CTNNA3: variants seen among roughly 807,000 people sequenced by gnomAD.
CTNNA3 encodes catenin alpha-3.
A neutral mutation model predicts 95.7 loss-of-function variants in CTNNA3; 76 were observed. That is an observed-to-expected ratio of 0.79 (90% CI 0.66 to 0.96). CTNNA3 has a LOEUF of 0.96. Among genes scored for constraint, CTNNA3 ranks in the 40% least tolerant of loss-of-function variants. CTNNA3 has a pLI of 0.00. For missense variants in CTNNA3, 1,191 were observed against 1,089.8 expected (o/e 1.09, Z -1.31); for synonymous variants, 431 against 374.4 (o/e 1.15, Z -1.74).
chr10:66,568,136 A>G (rs546850538), intron 10 of CTNNA3, among the ~76,000 whole-genome samples: 4 of 152,206 alleles, frequency 2.6e-5, no homozygotes, highest in Non-Finnish European at 4.4e-5. Context: ...GACAAAAGAG[A>G]GCATAAAGAA....
chr10:66,539,325 G>C (rs975169441), intron 10 of CTNNA3, among the ~76,000 whole-genome samples: 14 of 152,190 alleles, frequency 9.2e-5, no homozygotes, highest in African/African-American at 3.4e-4. Flanking sequence ...TTAGTGCCCA[G>C]TAAATCTACA....
At chr10:66,077,829 T>C (rs1209813364) in intron 14 of CTNNA3, among the ~76,000 whole-genome samples, 1 of 151,712 alleles carries the variant, frequency 6.6e-6, no homozygotes, top group Non-Finnish European at 1.5e-5. Flanking sequence ...ATCCAGAAGG[T>C]GAAGATCCAA....
intron 9 of CTNNA3, among the ~76,000 whole-genome samples, chr10:66,728,889 T>G (rs1311335208): frequency 6.6e-6 from 1 of 152,108 alleles, no homozygotes; most frequent in Non-Finnish European, 1.5e-5. Context: ...CATCCAGCCT[T>G]ATTTAAGTTT....
In CTNNA3 at chr10:65,914,034, T is replaced by C. The variant is rs1410996245; in HGVS notation, c.*6296A>G. ...ACCTCCAACACCAAATAACCAGAAC[T>C]AAAAATAACCATCCTTCTTGAAAAT... is the stretch of plus-strand genomic sequence containing the variant. On this transcript the variant is annotated 3_prime_UTR_variant, in exon 18 of 18. Transcript: ENST00000433211. 6.6e-6 allele frequency: 1 copy of C among 152,112 alleles called. No homozygotes were observed. The highest frequency in any genetic ancestry group is 1.5e-5 in the Non-Finnish European group (1 of 67,988). 9.4% of individuals were successfully genotyped at this position (152,112 alleles called of 1,614,324 possible).
chr10:66,925,469 A>C lies in CTNNA3; in HGVS notation c.1048-149945T>G, dbSNP rs72804621. ...TACAACAACCAAAACAACAAACGAA[A>C]CTATAGCCATAAAATCAATTATATC... On this transcript the variant is annotated intron_variant, in intron 7 of 17. Transcript: ENST00000433211. Among the ~76,000 whole-genome samples the C allele has an allele frequency of 3.5e-3, 531 of 152,272 alleles. 4 individuals are homozygous for C. Among genetic ancestry groups the C allele is most frequent in the Non-Finnish European group, 6.1e-3 (416 of 68,016 alleles).
chr10:67,326,390 T>G (rs1448103437), intron 5 of CTNNA3, among the ~76,000 whole-genome samples: 1 of 152,160 alleles, frequency 6.6e-6, no homozygotes, highest in Non-Finnish European at 1.5e-5. Context: ...TATTTAGTGC[T>G]ACCTTTAAGA....
chr10:67,116,735 T>C (rs1564902087), intron 7 of CTNNA3, among the ~76,000 whole-genome samples: 1 of 147,710 alleles, frequency 6.8e-6, no homozygotes, highest in African/African-American at 2.5e-5. Context: ...TATATATATA[T>C]ATATATATAA....
intron 15 of CTNNA3, among the ~76,000 whole-genome samples, chr10:66,005,936 G>A (rs1024218145): frequency 2.0e-5 from 3 of 151,042 alleles, no homozygotes; most frequent in African/African-American, 7.3e-5. Context: ...TATTGAAACT[G>A]TGAGATGTGG....
chr10:67,068,206 A>G (rs763434724), intron 7 of CTNNA3, among the ~76,000 whole-genome samples: 14 of 152,324 alleles, frequency 9.2e-5, no homozygotes, highest in Non-Finnish European at 1.5e-4. Context: ...TTAGAAAAGA[A>G]GGTGGATTGG....
intron 5 of CTNNA3, among the ~76,000 whole-genome samples, chr10:67,293,196 C>T (rs548624346): frequency 2.0e-5 from 3 of 152,042 alleles, no homozygotes; most frequent in Non-Finnish European, 4.4e-5. Flanking sequence ...GTAGATTAGA[C>T]TTTTCAACCT....
intron 5 of CTNNA3, among the ~76,000 whole-genome samples, chr10:67,404,535 C>T (rs956331472): frequency 9.9e-5 from 15 of 151,972 alleles, no homozygotes; most frequent in Admixed American, 9.2e-4. Context: ...ATAAACAAAA[C>T]CTCCAAGAAA....
intron 5 of CTNNA3, among the ~76,000 whole-genome samples, chr10:67,379,626 G>A (rs1246238372): frequency 6.6e-6 from 1 of 152,150 alleles, no homozygotes; most frequent in African/African-American, 2.4e-5. Context: ...ATCAATAGGT[G>A]ACAGGTCCAC....
At chr10:66,968,095 C>A (rs2132812296) in intron 7 of CTNNA3, among the ~76,000 whole-genome samples, 1 of 152,018 alleles carries the variant, frequency 6.6e-6, no homozygotes, top group African/African-American at 2.4e-5. Context: ...GACTGCTGAG[C>A]CTGAAAAACC....
At chr10:67,610,070 T>C (rs1843409171) in intron 2 of CTNNA3, among the ~76,000 whole-genome samples, 1 of 152,214 alleles carries the variant, frequency 6.6e-6, no homozygotes, top group Non-Finnish European at 1.5e-5. Context: ...CAGTTTAAAA[T>C]CTTTGTTTAA....
chr10:65,973,129 G>T (rs2078143078), intron 16 of CTNNA3, among the ~76,000 whole-genome samples: 1 of 152,144 alleles, frequency 6.6e-6, no homozygotes, highest in Non-Finnish European at 1.5e-5. Flanking sequence ...ATCTGGTGCT[G>T]TGACAGCTGG....
intron 7 of CTNNA3, among the ~76,000 whole-genome samples, chr10:67,172,224 T>G (rs1862053004): frequency 6.6e-6 from 1 of 152,232 alleles, no homozygotes; most frequent in Admixed American, 6.5e-5. Context: ...TACTACTTGG[T>G]GCTCTTATAG....
chr10:67,640,994 A>C (rs1282826447), intron 2 of CTNNA3, among the ~76,000 whole-genome samples: 1 of 152,196 alleles, frequency 6.6e-6, no homozygotes, highest in Non-Finnish European at 1.5e-5. Flanking sequence ...CAAAAGCCAA[A>C]ATTGACAAAT....
At chr10:66,105,455 T>C (rs1439037317) in intron 13 of CTNNA3, among the ~76,000 whole-genome samples, 1 of 152,234 alleles carries the variant, frequency 6.6e-6, no homozygotes, top group East Asian at 1.9e-4. Context: ...CCTACTGTGA[T>C]CTATTCCTTA....
At chr10:66,140,947 C>G (rs1363475692) in intron 13 of CTNNA3, among the ~76,000 whole-genome samples, 4 of 152,180 alleles carry the variant, frequency 2.6e-5, no homozygotes, top group African/African-American at 9.6e-5. Flanking sequence ...ACATCATAAT[C>G]TAAGAACATT....
Sources: gnomAD v4.1 joint callset for allele counts (sites outside exome capture counted in the v4.1 genomes callset) on GRCh38, gnomAD v4.1.1 for gene constraint, MANE v1.5 for transcripts, NCBI Gene and HGNC (gene_info 2026-07-23, HGNC 2026-07-21) for gene names.